The following BCDIN3D variants were observed in gnomAD, a reference collection of about 807,000 sequenced individuals.
BCDIN3D encodes the protein BCDIN3 domain containing RNA methyltransferase, also known as RNA 5'-monophosphate methyltransferase.
Under a neutral mutation model 21.2 loss-of-function variants are expected in BCDIN3D, and 15 were observed. That is an observed-to-expected ratio of 0.71 (90% CI 0.47 to 1.09). The LOEUF (loss-of-function observed/expected upper bound fraction) is 1.09, where lower values mean the gene tolerates loss of function less well. Among genes scored for constraint, BCDIN3D ranks in the 50% least tolerant of loss-of-function variants. The pLI is 0.00. For missense variants in BCDIN3D, 331 were observed against 366.2 expected (o/e 0.90, Z 0.79); for synonymous variants, 127 against 141.9 (o/e 0.90, Z 0.75).
rs1232856462 is a variant in BCDIN3D at position 49,836,068 on chromosome 12, T to C, written c.*2303A>G. The C allele has an allele frequency of 2.6e-5, 4 of 152,248 alleles. No homozygotes were observed. The highest frequency in any genetic ancestry group is 4.4e-5 in the Non-Finnish European group (3 of 68,050). The allele number at this position is 152,248 out of a possible 1,614,324, so 9.4% of individuals were successfully genotyped here. On this transcript the variant is annotated 3_prime_UTR_variant, in exon 2 of 2. Coordinates refer to ENST00000333924, the MANE Select transcript of BCDIN3D (RefSeq NM_181708.3). ...TGGTTTAAAATACTGATTTATTCTC[T>C]TACAGCTCTGGAGATTAAATCTGAA...
Position 49,836,932 on chromosome 12 carries a change from T to C in BCDIN3D, c.*1439A>G, listed in dbSNP as rs1288437646. The C allele has an allele frequency of 1.3e-5, 2 of 152,194 alleles. No homozygotes were observed. Among genetic ancestry groups the C allele is most frequent in the African/African-American group, 4.8e-5 (2 of 41,426 alleles). The allele number at this position is 152,194 out of a possible 1,614,324, so 9.4% of individuals were successfully genotyped here. ...TGTAAGGCAGACAATGGATGGAAGG[T>C]AGATGACTTTAATATAGGAACCTCC... On this transcript the variant is annotated 3_prime_UTR_variant, in exon 2 of 2. Transcript: ENST00000333924.
chr12:49,842,910 G>T lies in BCDIN3D; in HGVS notation c.178C>A (p.Pro60Thr). ...LPPELLRQLF[P>T]ESPENGPILG... ...ATCGGCCCGTTCTCGGGACTCTCAG[G>T]AAAGAGCTGTCGAAGCAGCTCCGGG... Residue 60 changes from proline (P) to threonine (T), a missense_variant, in exon 1 of 2, where the codon CCT (proline) becomes ACT (threonine). Physicochemically the swap from Pro to Thr is conservative, Grantham distance 38 (BLOSUM62 -1). Coordinates refer to ENST00000333924, the MANE Select transcript of BCDIN3D (RefSeq NM_181708.3). The T allele has an allele frequency of 6.2e-7, 1 of 1,613,996 alleles. No homozygotes were observed.
chr12:49,836,523 A>G lies in BCDIN3D; in HGVS notation c.*1848T>C, dbSNP rs1436436892. The G allele has an allele frequency of 6.6e-6, 1 of 152,210 alleles. No homozygotes were observed. The highest frequency in any genetic ancestry group is 1.5e-5 in the Non-Finnish European group (1 of 68,036). The allele number at this position is 152,210 out of a possible 1,614,324, so 9.4% of individuals were successfully genotyped here. Reference sequence around the variant, plus strand: ...GTTCCTAAATTAAGATCTTGTGGGTAAACTCAGCTCTGTATCTACTGTGAT... The same window carrying G: ...GTTCCTAAATTAAGATCTTGTGGGTGAACTCAGCTCTGTATCTACTGTGAT... On this transcript the variant is annotated 3_prime_UTR_variant, in exon 2 of 2. Coordinates refer to ENST00000333924, the MANE Select transcript of BCDIN3D (RefSeq NM_181708.3).
chr12:49,841,816 T>G (rs1194244283), intron 1 of BCDIN3D, among the ~76,000 whole-genome samples: 9 of 152,314 alleles, frequency 5.9e-5, no homozygotes, highest in Non-Finnish European at 4.4e-5. Flanking sequence ...GATGCTGGAC[T>G]GGAGTGATGG....
rs774324017 is a variant in BCDIN3D at position 49,842,933 on chromosome 12, G to C, written c.155C>G (p.Pro52Arg). 1 of 1,614,178 alleles carries C rather than the reference G, an allele frequency of 6.2e-7. No homozygotes were observed. Among genetic ancestry groups the C allele is most frequent in the Non-Finnish European group, 8.5e-7 (1 of 1,180,012 alleles). The change falls in exon 1 of 2, where the codon CCG (proline) becomes CGG (arginine). Residue 52 changes from proline (P) to arginine (R), a missense_variant. Transcript: ENST00000333924. The stretch of plus-strand genomic sequence containing the variant: ...AGGAAAGAGCTGTCGAAGCAGCTCC[G>C]GGGGCAGGAGGCGGAGCCGTTGCTC... ...PPEQRLRLLP[P>R]ELLRQLFPES... is the part of the protein sequence containing the mutation.
intron 1 of BCDIN3D, chr12:49,839,756 G>A (rs114605215): frequency 0.018 from 2,728 of 152,004 alleles, 80 homozygotes; most frequent in African/African-American, 0.062. Flanking sequence ...GTGCAATGGC[G>A]TGATCTCAGC....
chr12:49,838,106 C>A lies in BCDIN3D; in HGVS notation c.*265G>T. The A allele has an allele frequency of 2.5e-6, 1 of 398,186 alleles. No individual in the cohort carries two copies. The highest frequency in any genetic ancestry group is 3.2e-5 in the South Asian group (1 of 31,584). The allele number at this position is 398,186 out of a possible 1,614,324, so 24.7% of individuals were successfully genotyped here. On this transcript the variant is annotated 3_prime_UTR_variant, in exon 2 of 2. Transcript: ENST00000333924. ...AATAATCCCCAAAAGCAGCCCTCTC[C>A]ATAACCCATAACCAGGACCACTTTT...
intron 1 of BCDIN3D, among the ~76,000 whole-genome samples, chr12:49,841,341 T>TC (rs1946552193): frequency 1.3e-5 from 2 of 152,122 alleles, no homozygotes; most frequent in African/African-American, 4.8e-5. Context: ...AGTTTGAATT[T>TC]TTTTGTTTTA....
chr12:49,836,237 C>T lies in BCDIN3D; in HGVS notation c.*2134G>A, dbSNP rs1946504393. On this transcript the variant is annotated 3_prime_UTR_variant, in exon 2 of 2. Coordinates refer to ENST00000333924, the MANE Select transcript of BCDIN3D (RefSeq NM_181708.3). ...CTCCAACCTCTTGCTTTTGTCATTACATCTCCTACTGTGGTCAGCTCTCCC... is the reference window on the plus strand; with the variant it reads ...CTCCAACCTCTTGCTTTTGTCATTATATCTCCTACTGTGGTCAGCTCTCCC... 2 of 152,216 alleles carry T rather than the reference C, an allele frequency of 1.3e-5. No homozygotes were observed. Among genetic ancestry groups the T allele is most frequent in the South Asian group, 4.1e-4 (2 of 4,830 alleles). The allele number at this position is 152,216 out of a possible 1,614,324, so 9.4% of individuals were successfully genotyped here.
Position 49,843,040 on chromosome 12 carries a change from T to C in BCDIN3D, c.48A>G (p.Ala16=), listed in dbSNP as rs1361051962. Residue 16 remains alanine (A), a synonymous_variant, in exon 1 of 2, where the codon GCA becomes GCG. Transcript: ENST00000333924. ...ELDGGSVKET[A]AEEESRVLAP... is the part of the protein sequence containing the mutation. The stretch of plus-strand genomic sequence containing the variant: ...CCAGAACTCGCGATTCCTCTTCCGC[T>C]GCGGTCTCCTTAACACTCCCTCCAT... 1.2e-6 allele frequency: 2 copies of C among 1,614,116 alleles called. No individual in the cohort carries two copies. Among genetic ancestry groups the C allele is most frequent in the African/African-American group, 1.3e-5 (1 of 74,946 alleles).
rs1309686488 is a variant in BCDIN3D, at chr12:49,838,422, T to C, written c.828A>G (p.Ser276=). The part of the protein sequence containing the change: ...QTIETHPIPE[S]LIEKGKEKNR... Reference sequence around the variant, plus strand: ...TCTTTTCTTTCCCTTTTTCTATCAGTGATTCAGGGATTGGATGAGTCTCTA... The same window carrying C: ...TCTTTTCTTTCCCTTTTTCTATCAGCGATTCAGGGATTGGATGAGTCTCTA... Residue 276 remains serine (S), a synonymous_variant, in exon 2 of 2, where the codon TCA becomes TCG. Coordinates refer to ENST00000333924, the MANE Select transcript of BCDIN3D (RefSeq NM_181708.3). 1 of 1,612,122 alleles carries C rather than the reference T, an allele frequency of 6.2e-7. No homozygotes were observed. The highest frequency in any genetic ancestry group is 8.5e-7 in the Non-Finnish European group (1 of 1,179,992).
chr12:49,842,622 T>A (rs984696315), intron 1 of BCDIN3D: 1 of 505,156 alleles, frequency 2.0e-6, no homozygotes, highest in Non-Finnish European at 3.5e-6. Context: ...GGTCTGGCCC[T>A]GAAAGAAAAG....
chr12:49,838,567 C>T lies in BCDIN3D; in HGVS notation c.683G>A (p.Gly228Asp), dbSNP rs1946527690. ...FDHFHSLAIRGDMPNQIVQIL... is the reference protein window; with the variant it reads ...FDHFHSLAIRDDMPNQIVQIL... ...CTGCACAATCTGATTGGGCATGTCA[C>T]CTCGGATGGCAAGGGAGTGGAAGTG... is the stretch of plus-strand genomic sequence containing the variant. The change falls in exon 2 of 2, where the codon GGT becomes GAT. Residue 228 changes from glycine (G) to aspartate (D), a missense_variant. Gly to Asp is a moderately conservative substitution (Grantham distance 94, BLOSUM62 -1). Coordinates refer to ENST00000333924, the MANE Select transcript of BCDIN3D (RefSeq NM_181708.3). 1.2e-6 allele frequency: 2 copies of T among 1,614,036 alleles called. No homozygotes were observed. The highest frequency in any genetic ancestry group is 8.5e-7 in the Non-Finnish European group (1 of 1,180,044).
Position 49,838,875 on chromosome 12 carries a change from A to T in BCDIN3D, c.375T>A (p.Phe125Leu). ...GGGTGATAAAAGTCAAGGCATCAGGAAAAGGACATTCTTTTTCGGCTCGCT... is the reference window on the plus strand; with the variant it reads ...GGGTGATAAAAGTCAAGGCATCAGGTAAAGGACATTCTTTTTCGGCTCGCT... ...LVKRAEKECP[F>L]PDALTFITLD... The change falls in exon 2 of 2, where the codon TTT becomes TTA. Residue 125 changes from phenylalanine to leucine, a missense_variant. Transcript: ENST00000333924. The T allele has an allele frequency of 6.2e-7, 1 of 1,614,238 alleles. No homozygotes were observed. Among genetic ancestry groups the T allele is most frequent in the East Asian group, 2.2e-5 (1 of 44,890 alleles).
rs1270231788 is a variant in BCDIN3D, at chr12:49,842,836, C to A, written c.234+18G>T. ...ACCACTTGGCTCCGGATGCTCCAAT[C>A]CCTCCCCTGTCACTCACCCCGGAGT... is the stretch of plus-strand genomic sequence containing the variant. On this transcript the variant is annotated intron_variant, in intron 1 of 1. Coordinates refer to ENST00000333924, the MANE Select transcript of BCDIN3D (RefSeq NM_181708.3). The A allele has an allele frequency of 6.3e-7, 1 of 1,576,932 alleles. No individual in the cohort carries two copies. The highest frequency in any genetic ancestry group is 1.8e-5 in the Admixed American group (1 of 56,922).
chr12:49,837,914 CA>C lies in BCDIN3D; in HGVS notation c.*456del, dbSNP rs112369913. The C allele has an allele frequency of 9.9e-3, 1,517 of 152,678 alleles. 21 individuals carry two copies. The highest frequency in any genetic ancestry group is 0.035 in the African/African-American group (1,429 of 41,402). 9.5% of individuals were successfully genotyped at this position (152,678 alleles called of 1,614,324 possible). ...TACAATAGAAGAATGCAAAAACAAA[CA>C]AACAAAAAAACAGAAAATAGATTCC... On this transcript the variant is annotated 3_prime_UTR_variant, in exon 2 of 2. Transcript: ENST00000333924.
chr12:49,838,623 A>C lies in BCDIN3D; in HGVS notation c.627T>G (p.Arg209=). The change falls in exon 2 of 2, where the codon CGT becomes CGG. Residue 209 remains arginine (R), a synonymous_variant. Coordinates refer to ENST00000333924, the MANE Select transcript of BCDIN3D (RefSeq NM_181708.3). ...AATCATGGAGTCCCAGCTTTCGGAG[A>C]CGCCTTGCAGCTGCCCGGTAACACT... ...PWKCYRAAAR[R]LRKLGLHDFD... is the part of the protein sequence containing the mutation. 1 of 1,613,740 alleles carries C rather than the reference A, an allele frequency of 6.2e-7. No individual in the cohort carries two copies. Among genetic ancestry groups the C allele is most frequent in the Non-Finnish European group, 8.5e-7 (1 of 1,179,696 alleles).
chr12:49,841,818 G>C (rs1247156101), intron 1 of BCDIN3D, among the ~76,000 whole-genome samples: 1 of 152,206 alleles, frequency 6.6e-6, no homozygotes, highest in East Asian at 1.9e-4. Flanking sequence ...TGCTGGACTG[G>C]AGTGATGGAG....
rs143226341 is a variant in BCDIN3D, at chr12:49,838,555, T to C, written c.695A>G (p.Asn232Ser). ...CTGGGTCAAGATCTGCACAATCTGA[T>C]TGGGCATGTCACCTCGGATGGCAAG... The part of the protein sequence containing the change: ...HSLAIRGDMP[N>S]QIVQILTQDH... Residue 232 changes from asparagine (N) to serine (S), a missense_variant, in exon 2 of 2, where the codon AAT (asparagine) becomes AGT (serine). Transcript: ENST00000333924. The C allele has an allele frequency of 3.2e-4, 509 of 1,614,162 alleles. 1 individual carries two copies. The highest frequency in any genetic ancestry group is 3.8e-4 in the Non-Finnish European group (443 of 1,180,030).
Sources: gnomAD v4.1 joint callset for allele counts (sites outside exome capture counted in the v4.1 genomes callset) on GRCh38, gnomAD v4.1.1 for gene constraint, MANE v1.5 for transcripts, NCBI Gene and HGNC (gene_info 2026-07-23, HGNC 2026-07-21) for gene names.